Variants in DCC observed in about 807,000 individuals in gnomAD.
DCC encodes DCC netrin 1 receptor.
DCC carries 58 observed loss-of-function variants against 172.5 expected under a neutral mutation model. The ratio of observed to expected loss-of-function variants is 0.34; its 90% CI spans 0.27 to 0.42. The LOEUF is 0.42. Ranked by LOEUF, DCC falls within the 10% of genes least tolerant of loss-of-function variation. The probability of loss-of-function intolerance (pLI) is 1.00; values close to 1 mark genes in which losing one functional copy is unlikely to be tolerated. For synonymous variants in DCC, 709 were observed against 644.5 expected, an observed-to-expected ratio of 1.10 and a Z score of -1.52; for missense variants, 1,740 against 1,791.0, an observed-to-expected ratio of 0.97 and a Z score of 0.51.
chr18:53,138,241 A>G (rs2043776900), intron 7 of DCC, among the ~76,000 whole-genome samples: 1 of 152,124 alleles, frequency 6.6e-6, no homozygotes, highest in Non-Finnish European at 1.5e-5. Context: ...CCAGGCCATG[A>G]AGGAGTTAAT....
At chr18:53,000,741 G>A (rs1176794263) in intron 5 of DCC, among the ~76,000 whole-genome samples, 2 of 151,676 alleles carry the variant, frequency 1.3e-5, no homozygotes, top group Admixed American at 6.6e-5. Flanking sequence ...ATATGTCACA[G>A]CCAGATAATA....
chr18:53,261,480 C>T (rs2056601808), intron 12 of DCC, among the ~76,000 whole-genome samples: 1 of 152,130 alleles, frequency 6.6e-6, no homozygotes, highest in East Asian at 1.9e-4. Flanking sequence ...TCTTTCCTCT[C>T]CTCTGTCAGT....
At chr18:53,037,665 G>T (rs567211394) in intron 5 of DCC, among the ~76,000 whole-genome samples, 1 of 151,938 alleles carries the variant, frequency 6.6e-6, no homozygotes, top group African/African-American at 2.4e-5. Context: ...ACAGAAATAA[G>T]CTTTGATAAA....
chr18:52,965,778 G>A (rs2040919462), intron 5 of DCC, among the ~76,000 whole-genome samples: 2 of 152,070 alleles, frequency 1.3e-5, no homozygotes, highest in African/African-American at 4.8e-5. Flanking sequence ...GATCATACTT[G>A]GTGGCAAACC....
At position 52,752,339 on chromosome 18, in the gene DCC, C is replaced by T. The variant is rs797044551; in HGVS notation, c.377C>T (p.Ser126Leu). Reference protein sequence around the residue: ...QCEASLGDSGSIISRTAKVAV... With the variant: ...QCEASLGDSGLIISRTAKVAV... ...GAGGCATCTTTAGGAGATTCTGGCT[C>T]AATTATTAGTCGGACAGCAAAAGTT... Residue 126 changes from serine (S) to leucine (L), a missense_variant, in exon 2 of 29, where the codon TCA (serine) becomes TTA (leucine). This residue lies in a region of DCC where 1,732 missense variants were observed against 1,767.4 expected (regional missense o/e 0.98). Coordinates refer to ENST00000442544, the MANE Select transcript of DCC (RefSeq NM_005215.4). 1 of 1,614,186 alleles carries T rather than the reference C, an allele frequency of 6.2e-7. No individual in the cohort carries two copies. Among genetic ancestry groups the T allele is most frequent in the South Asian group, 1.1e-5 (1 of 91,080 alleles).
intron 7 of DCC, among the ~76,000 whole-genome samples, chr18:53,086,882 G>C (rs1351128779): frequency 6.6e-6 from 1 of 150,584 alleles, no homozygotes. Flanking sequence ...ATAGTTTACT[G>C]ACAATGATGA....
chr18:53,519,875 A>T (rs947378502), intron 27 of DCC, among the ~76,000 whole-genome samples: 3 of 152,112 alleles, frequency 2.0e-5, no homozygotes, highest in African/African-American at 7.2e-5. Flanking sequence ...TTGATATCCC[A>T]AAGTAATAAG....
chr18:52,446,549 A>G (rs1988129547), intron 1 of DCC, among the ~76,000 whole-genome samples: 1 of 152,210 alleles, frequency 6.6e-6, no homozygotes, highest in Non-Finnish European at 1.5e-5. Flanking sequence ...TTTACTCTTT[A>G]GCAGATAATC....
chr18:53,267,069 C>T (rs773995592), intron 12 of DCC, among the ~76,000 whole-genome samples: 9 of 151,452 alleles, frequency 5.9e-5, no homozygotes, highest in Non-Finnish European at 1.0e-4. Context: ...TGCAATAACA[C>T]TATGTTTAAC....
intron 1 of DCC, among the ~76,000 whole-genome samples, chr18:52,642,823 C>A (rs1288042492): frequency 6.6e-6 from 1 of 152,092 alleles, no homozygotes; most frequent in African/African-American, 2.4e-5. Context: ...GCCATCACAC[C>A]CAGCTAGTTT....
At chr18:52,783,575 T>A (rs1375169799) in intron 2 of DCC, among the ~76,000 whole-genome samples, 1 of 151,834 alleles carries the variant, frequency 6.6e-6, no homozygotes, top group Non-Finnish European at 1.5e-5. Context: ...AGATTTCTGG[T>A]ACAGTCCTTG....
intron 5 of DCC, among the ~76,000 whole-genome samples, chr18:53,008,739 T>C (rs1050992523): frequency 6.7e-5 from 10 of 148,448 alleles, no homozygotes; most frequent in Non-Finnish European, 1.2e-4. Context: ...TTGTAAAATA[T>C]ACATTTAGAA....
chr18:52,679,289 A>C (rs1466046387), intron 1 of DCC, among the ~76,000 whole-genome samples: 1 of 152,062 alleles, frequency 6.6e-6, no homozygotes, highest in Non-Finnish European at 1.5e-5. Context: ...GAACACAGGA[A>C]GTATGCTCCC....
At chr18:53,319,877 C>G (rs1780866333) in intron 13 of DCC, among the ~76,000 whole-genome samples, 1 of 151,850 alleles carries the variant, frequency 6.6e-6, no homozygotes, top group South Asian at 2.1e-4. Flanking sequence ...TTATTCCCAT[C>G]GACAAAATAC....
chr18:52,752,081 T>C lies in DCC; in HGVS notation c.119T>C (p.Leu40Pro). 6.2e-7 allele frequency: 1 copy of C among 1,614,182 alleles called. No individual in the cohort carries two copies. The highest frequency in any genetic ancestry group is 8.5e-7 in the Non-Finnish European group (1 of 1,180,030). ...TTTCAAATTAAAGCTTTCACAGCAC[T>C]GCGCTTCCTCTCAGAACCTTCTGAT... is the stretch of plus-strand genomic sequence containing the variant. Reference protein sequence around the residue: ...TGFQIKAFTALRFLSEPSDAV... With the variant: ...TGFQIKAFTAPRFLSEPSDAV... Residue 40 changes from leucine to proline, a missense_variant, in exon 2 of 29, where the codon CTG becomes CCG. Leu to Pro is a moderately conservative substitution (Grantham distance 98). Around this residue, in one of 2 missense-constraint regions of DCC, gnomAD observed 1,732 missense variants for 1,767.4 expected, o/e 0.98. Coordinates refer to ENST00000442544, the MANE Select transcript of DCC (RefSeq NM_005215.4).
intron 12 of DCC, among the ~76,000 whole-genome samples, chr18:53,288,806 A>T (rs954077672): frequency 6.6e-6 from 1 of 152,282 alleles, no homozygotes; most frequent in Admixed American, 6.5e-5. Context: ...TCATTAACTT[A>T]TCTGAACTTT....
intron 2 of DCC, among the ~76,000 whole-genome samples, chr18:52,839,290 T>C (rs561550781): frequency 5.9e-5 from 9 of 152,278 alleles, no homozygotes; most frequent in African/African-American, 1.9e-4. Flanking sequence ...CAAGTATGTT[T>C]GTGTGCATGT....
chr18:52,385,616 T>C (rs1985766758), intron 1 of DCC, among the ~76,000 whole-genome samples: 1 of 151,944 alleles, frequency 6.6e-6, no homozygotes, highest in Non-Finnish European at 1.5e-5. Flanking sequence ...AGTGATTCTA[T>C]ATAACCAATT....
intron 2 of DCC, among the ~76,000 whole-genome samples, chr18:52,872,365 A>G (rs1012108082): frequency 1.3e-5 from 2 of 152,100 alleles, no homozygotes; most frequent in African/African-American, 4.8e-5. Flanking sequence ...TAAAGGTGTC[A>G]GAAGCTCAGT....
Sources: gnomAD v4.1 joint callset for allele counts (sites outside exome capture counted in the v4.1 genomes callset) on GRCh38, gnomAD v4.1.1 for gene constraint, gnomAD v4.1.1 regional missense constraint, MANE v1.5 for transcripts, NCBI Gene and HGNC (gene_info 2026-07-23, HGNC 2026-07-21) for gene names.